The following WIPF1 variants were observed in gnomAD, a reference collection of about 807,000 sequenced individuals.
WIPF1 encodes WAS/WASL interacting protein family member 1, also known as WAS/WASL-interacting protein family member 1.
In WIPF1, 13 loss-of-function variants were observed where a neutral mutation model predicts 35.4. The ratio of observed to expected loss-of-function variants is 0.37; its 90% confidence interval spans 0.24 to 0.58. The LOEUF is 0.58. Among genes scored for constraint, WIPF1 ranks in the 20% least tolerant of loss-of-function variants. The probability of loss-of-function intolerance (pLI) is 0.74; values close to 1 mark genes in which losing one functional copy is unlikely to be tolerated. For missense variants in WIPF1, 591 were observed against 667.0 expected, an observed-to-expected ratio of 0.89 and a Z score of 1.25; for synonymous variants, 267 against 266.3, an observed-to-expected ratio of 1.00 and a Z score of -0.02.
chr2:174,567,379 T>C (rs934098478), intron 6 of WIPF1, among the ~76,000 whole-genome samples, 196 bp from the exon 7 acceptor site: 2 of 152,212 alleles, frequency 1.3e-5, no homozygotes, highest in African/African-American at 4.8e-5. Context: ...GGCCTGCAAA[T>C]CAAAGCAAAG....
chr2:174,600,404 C>T (rs188691098), upstream of WIPF1, among the ~76,000 whole-genome samples: 2 of 152,208 alleles, frequency 1.3e-5, no homozygotes, highest in Non-Finnish European at 2.9e-5. Flanking sequence ...AAAGTCCAAA[C>T]TCTTAGGTCC....
At chr2:174,596,211 G>T (rs1021934297) in intron 1 of WIPF1, among the ~76,000 whole-genome samples, 3 of 152,162 alleles carry the variant, frequency 2.0e-5, no homozygotes, top group African/African-American at 7.2e-5. Flanking sequence ...GAAGCGCTAT[G>T]AGCAAATAGC....
chr2:174,660,663 G>A (rs1687739505), intron 1 of WIPF1, among the ~76,000 whole-genome samples: 1 of 152,172 alleles, frequency 6.6e-6, no homozygotes, highest in African/African-American at 2.4e-5. Flanking sequence ...GTACTGCACT[G>A]ATGGCAGTAC....
intron 2 of WIPF1, among the ~76,000 whole-genome samples, 177 bp downstream of exon 2, chr2:174,585,346 C>T (rs978907428): frequency 1.3e-5 from 2 of 152,220 alleles, no homozygotes; most frequent in South Asian, 4.1e-4. Context: ...CAAAACCCTT[C>T]GTGTTGTTTG....
chr2:174,581,339 G>C lies in WIPF1; in HGVS notation c.152C>G (p.Thr51Ser). Residue 51 changes from threonine to serine, a missense_variant, in exon 3 of 8, where the codon ACC (threonine) becomes AGC (serine). Physicochemically the swap from Thr to Ser is moderately conservative, Grantham distance 58. This residue lies in a region of WIPF1 where 471 missense variants were observed against 501.1 expected (regional missense o/e 0.94). Transcript: ENST00000679041. The part of the protein sequence containing the change: ...SKGKKLKKTV[T>S]NDRSAPILDK... The stretch of plus-strand genomic sequence containing the variant: ...CAGTATTGGTGCACTTCTGTCATTG[G>C]TGACCGTCTTCTTTAGTTTCTTCCC... 2 of 1,614,038 alleles carry C rather than the reference G, an allele frequency of 1.2e-6. No individual in the cohort carries two copies. Among genetic ancestry groups the C allele is most frequent in the Non-Finnish European group, 1.7e-6 (2 of 1,179,968 alleles).
At chr2:174,677,505 A>G (rs1688159922) in intron 1 of WIPF1, among the ~76,000 whole-genome samples, 1 of 152,256 alleles carries the variant, frequency 6.6e-6, no homozygotes, top group Admixed American at 6.5e-5. Context: ...CCAGAACAAT[A>G]GCGATGGAAA....
chr2:174,573,419 T>G (rs886443869), intron 4 of WIPF1, among the ~76,000 whole-genome samples: 7 of 152,200 alleles, frequency 4.6e-5, no homozygotes, highest in Non-Finnish European at 2.9e-5. Flanking sequence ...TAGTTTACAT[T>G]CTTGTGGGGG....
chr2:174,653,599 G>A (rs1187503139), intron 1 of WIPF1, among the ~76,000 whole-genome samples: 11 of 151,964 alleles, frequency 7.2e-5, no homozygotes, highest in South Asian at 4.2e-4. Context: ...AAAATTAGCC[G>A]GGTGTGGTGG....
chr2:174,585,541 C>A lies in WIPF1; in HGVS notation c.33G>T (p.Pro11=). Residue 11 remains proline, a synonymous_variant, in exon 2 of 8, where the codon CCG becomes CCT. Coordinates refer to ENST00000679041, the MANE Select transcript of WIPF1 (RefSeq NM_001375834.1). MPVPPPPAPP[P]PPTFALANTE... is the part of the protein sequence containing the mutation. ...CACTCACCAGTGCAAACGTCGGGGG[C>A]GGCGGGGGTGCTGGAGGGGGAGGGA... 8.3e-6 allele frequency: 4 copies of A among 484,058 alleles called. No homozygotes were observed. Among genetic ancestry groups the A allele is most frequent in the Admixed American group, 4.7e-5 (1 of 21,296 alleles). The allele number at this position is 484,058 out of a possible 1,614,324, so 30.0% of individuals were successfully genotyped here. A position where few individuals can be genotyped will look rare whatever the true frequency, so the allele number is the denominator to read the frequency against.
At chr2:174,668,013 A>ACAC (rs1687928980) in intron 1 of WIPF1, among the ~76,000 whole-genome samples, 2 of 152,212 alleles carry the variant, frequency 1.3e-5, no homozygotes, top group African/African-American at 2.4e-5. Flanking sequence ...TACCCTTTGA[A>ACAC]CACCACCTTG....
At chr2:174,671,179 T>G (rs545454552) in intron 1 of WIPF1, among the ~76,000 whole-genome samples, 1 of 152,304 alleles carries the variant, frequency 6.6e-6, no homozygotes, top group African/African-American at 2.4e-5. Flanking sequence ...GTTGTGAAGA[T>G]TTCATGGACA....
intron 1 of WIPF1, among the ~76,000 whole-genome samples, chr2:174,593,226 C>T (rs1003747399): frequency 6.6e-6 from 1 of 152,066 alleles, no homozygotes; most frequent in Non-Finnish European, 1.5e-5. Context: ...ACATCTCTCT[C>T]TCTCTCCCTC....
intron 2 of WIPF1, among the ~76,000 whole-genome samples, chr2:174,582,870 T>C (rs1363331015): frequency 6.6e-6 from 1 of 152,244 alleles, no homozygotes; most frequent in Non-Finnish European, 1.5e-5. Context: ...TAATAATAGT[T>C]AACATATACT....
chr2:174,609,857 A>G (rs1053722017), intron 1 of WIPF1, among the ~76,000 whole-genome samples: 3 of 152,210 alleles, frequency 2.0e-5, no homozygotes, highest in African/African-American at 7.2e-5. Flanking sequence ...TGGGCAGTGG[A>G]GACCACCACA....
chr2:174,638,122 G>A (rs994913307), intron 1 of WIPF1, among the ~76,000 whole-genome samples: 1 of 151,972 alleles, frequency 6.6e-6, no homozygotes, highest in African/African-American at 2.4e-5. Context: ...TGTGTAGCAT[G>A]TGCGGACATT....
chr2:174,677,074 G>A (rs1688149698), intron 1 of WIPF1: 1 of 151,906 alleles, frequency 6.6e-6, no homozygotes, highest in Non-Finnish European at 1.5e-5. Context: ...GGATCATTTG[G>A]GCCTGGGAAG....
intron 1 of WIPF1, among the ~76,000 whole-genome samples, chr2:174,657,575 G>A (rs895848970): frequency 6.6e-6 from 1 of 151,944 alleles, no homozygotes; most frequent in African/African-American, 2.4e-5. Flanking sequence ...TTTCAAACAT[G>A]GCTGAGAATA....
In WIPF1 at chr2:174,562,149, G is replaced by T; in HGVS notation, c.*398C>A. 2 of 1,550,530 alleles carry T rather than the reference G, an allele frequency of 1.3e-6. No individual in the cohort carries two copies. The highest frequency in any genetic ancestry group is 1.7e-6 in the Non-Finnish European group (2 of 1,146,992). ...GTCTGTGGTTCATAGAAACAGAGAGGAGGCCAAGCATGCGAAAAAGGAACG... is the reference window on the plus strand; with the variant it reads ...GTCTGTGGTTCATAGAAACAGAGAGTAGGCCAAGCATGCGAAAAAGGAACG... On this transcript the variant is annotated 3_prime_UTR_variant, in exon 8 of 8. Coordinates refer to ENST00000679041, the MANE Select transcript of WIPF1 (RefSeq NM_001375834.1).
intron 7 of WIPF1, among the ~76,000 whole-genome samples, chr2:174,564,928 G>A (rs1472401555): frequency 2.8e-5 from 4 of 144,086 alleles, no homozygotes; most frequent in South Asian, 2.2e-4. Flanking sequence ...ATGGAGTTTC[G>A]CTCTCGTTGC....
Sources: gnomAD v4.1 joint callset for allele counts (sites outside exome capture counted in the v4.1 genomes callset) on GRCh38, gnomAD v4.1.1 for gene constraint, gnomAD v4.1.1 regional missense constraint, MANE v1.5 for transcripts, NCBI Gene and HGNC (gene_info 2026-07-23, HGNC 2026-07-21) for gene names.